GTF2B: variants seen among roughly 807,000 people sequenced by gnomAD.
GTF2B encodes transcription initiation factor IIB.
A neutral mutation model predicts 34.6 loss-of-function variants in GTF2B; 20 were observed. That is an observed-to-expected ratio of 0.58 (90% confidence interval 0.41 to 0.84). The LOEUF is 0.84. GTF2B is among the 40% of genes least tolerant of loss of function. The pLI is 0.00. For missense variants in GTF2B, 237 were observed against 393.3 expected, an observed-to-expected ratio of 0.60 and a Z score of 3.36; for synonymous variants, 142 against 132.4, an observed-to-expected ratio of 1.07 and a Z score of -0.50.
intron 2 of GTF2B, among the ~76,000 whole-genome samples, chr1:88,880,790 T>C (rs1393476459): frequency 6.6e-6 from 1 of 152,044 alleles, no homozygotes; most frequent in African/African-American, 2.4e-5. Flanking sequence ...GGGGTATCTC[T>C]TTGAAGCTAG....
chr1:88,862,732 G>A lies in GTF2B; in HGVS notation c.258+1249C>T, dbSNP rs959442392. Among the ~76,000 whole-genome samples, 10 of 152,120 alleles carry A rather than the reference G, an allele frequency of 6.6e-5. No individual in the cohort carries two copies. In the South Asian group the frequency reaches 1.9e-3, roughly 28 times the overall value. ...CAGCTCACTGCAACCTCCGCCTCCC[G>A]GGTTCAAGCAATTATTTGCCTCAGG... On this transcript the variant is annotated intron_variant, in intron 3 of 6. Transcript: ENST00000370500.
At chr1:88,885,816 A>G (rs1674054085) in intron 2 of GTF2B, among the ~76,000 whole-genome samples, 1 of 152,208 alleles carries the variant, frequency 6.6e-6, no homozygotes, top group African/African-American at 2.4e-5. Flanking sequence ...CTAAAATATT[A>G]TTTTTGATTT....
chr1:88,886,910 C>T (rs1249954559), intron 2 of GTF2B, among the ~76,000 whole-genome samples: 2 of 150,764 alleles, frequency 1.3e-5, no homozygotes, highest in Admixed American at 1.3e-4. Flanking sequence ...GGACCCTAAA[C>T]ATTATTATTA....
chr1:88,890,534 C>G (rs1232894878), intron 1 of GTF2B, among the ~76,000 whole-genome samples: 2 of 152,194 alleles, frequency 1.3e-5, no homozygotes, highest in Non-Finnish European at 1.5e-5. Flanking sequence ...TAATTTGATA[C>G]TTTCAACACA....
intron 3 of GTF2B, among the ~76,000 whole-genome samples, chr1:88,862,052 C>G (rs1216517670): frequency 6.6e-6 from 1 of 152,036 alleles, no homozygotes; most frequent in Non-Finnish European, 1.5e-5. Context: ...ATGAAACAAA[C>G]TTAACCTTTA....
Position 88,859,851 on chromosome 1 carries a change from CAAACACAAAAAAACAA to C in GTF2B, c.535+15_535+30del. On this transcript the variant is annotated intron_variant, in intron 5 of 6. Transcript: ENST00000370500. ...ACCCTATCTCAAACAAACAAACAAACAAACACAAAAAAACAAAGCTAAAAACTTACCTTTAAATGTC... is the reference window on the plus strand; with the variant it reads ...ACCCTATCTCAAACAAACAAACAAACAGCTAAAAACTTACCTTTAAATGTC... 1 of 1,600,862 alleles carries C rather than the reference CAAACACAAAAAAACAA, an allele frequency of 6.2e-7. No homozygotes were observed. Among genetic ancestry groups the C allele is most frequent in the Non-Finnish European group, 8.5e-7 (1 of 1,171,422 alleles).
chr1:88,876,532 A>G (rs908297777), intron 2 of GTF2B, among the ~76,000 whole-genome samples: 9 of 152,136 alleles, frequency 5.9e-5, no homozygotes, highest in Non-Finnish European at 1.3e-4. Flanking sequence ...TTTTTAAAAA[A>G]TTAGCTGAGG....
At position 88,856,291 on chromosome 1, in the gene GTF2B, C is replaced by CAAAAAAAAAAAAAAAAAAAA. The variant is rs1162915523; in HGVS notation, c.817+914_817+915insTTTTTTTTTTTTTTTTTTTT. The stretch of plus-strand genomic sequence containing the variant: ...CAAAAACAAAAAAAAAAAAAAAAAA[C>CAAAAAAAAAAAAAAAAAAAA]AAAAAAAAAAAAGGAAAAGAAATTC... On this transcript the variant is annotated intron_variant, in intron 6 of 6. Coordinates refer to ENST00000370500, the MANE Select transcript of GTF2B (RefSeq NM_001514.6). Among the ~76,000 whole-genome samples the CAAAAAAAAAAAAAAAAAAAA allele has an allele frequency of 5.3e-4, 46 of 86,160 alleles. 1 individual carries two copies. Among genetic ancestry groups the CAAAAAAAAAAAAAAAAAAAA allele is most frequent in the East Asian group, 7.5e-4 (2 of 2,672 alleles). 56.5% of individuals were successfully genotyped at this position (86,160 alleles called of 152,430 possible). A position where few individuals can be genotyped will look rare whatever the true frequency, so the allele number is the denominator to read the frequency against.
intron 2 of GTF2B, among the ~76,000 whole-genome samples, chr1:88,886,241 A>G (rs974597072): frequency 6.6e-6 from 1 of 152,228 alleles, no homozygotes; most frequent in Non-Finnish European, 1.5e-5. Context: ...AAGTAAGTCA[A>G]GTCCACAGTA....
intron 6 of GTF2B, among the ~76,000 whole-genome samples, chr1:88,855,238 G>C (rs1231575369): frequency 6.6e-6 from 1 of 152,046 alleles, no homozygotes; most frequent in Admixed American, 6.6e-5. Context: ...CTAATGATTG[G>C]CTTTCTTTCT....
chr1:88,861,006 A>T (rs1014852662), intron 3 of GTF2B, among the ~76,000 whole-genome samples: 4 of 152,220 alleles, frequency 2.6e-5, no homozygotes, highest in African/African-American at 9.6e-5. Flanking sequence ...TGCAGATAGT[A>T]CCTTTATACA....
intron 2 of GTF2B, among the ~76,000 whole-genome samples, chr1:88,876,194 T>G (rs1347696999): frequency 6.6e-6 from 1 of 152,196 alleles, no homozygotes; most frequent in Non-Finnish European, 1.5e-5. Context: ...GAAACCTGAT[T>G]TTTTCCTTTA....
intron 2 of GTF2B, among the ~76,000 whole-genome samples, chr1:88,867,791 A>AT (rs1040718179): frequency 6.6e-6 from 1 of 151,860 alleles, no homozygotes; most frequent in Non-Finnish European, 1.5e-5. Context: ...GACAAGATGG[A>AT]TTTTTTATTT....
chr1:88,858,674 T>C (rs1570718550), intron 5 of GTF2B: 1 of 152,088 alleles, frequency 6.6e-6, no homozygotes, highest in Admixed American at 6.5e-5. Context: ...AAAAAATAAA[T>C]ACTCACTGGA....
intron 2 of GTF2B, among the ~76,000 whole-genome samples, chr1:88,881,008 CAAAAAAA>C: frequency 1.1e-5 from 1 of 92,772 alleles, no homozygotes; most frequent in Non-Finnish European, 2.2e-5. Flanking sequence ...GATGCTGTCT[CAAAAAAA>C]AAAAAAAAAA....
At chr1:88,859,012 C>T (rs777333716) in intron 5 of GTF2B, among the ~76,000 whole-genome samples, 23 of 151,824 alleles carry the variant, frequency 1.5e-4, no homozygotes, top group East Asian at 1.9e-4. Context: ...GGACTACAGG[C>T]GCGCACCACC....
Position 88,891,474 on chromosome 1 carries a change from C to CA in GTF2B, c.17+8dup, listed in dbSNP as rs1193638272. 4 of 1,601,600 alleles carry CA rather than the reference C, an allele frequency of 2.5e-6. No homozygotes were observed. In the Admixed American group the frequency reaches 6.8e-5, roughly 27 times the overall value. On this transcript the variant is annotated intron_variant, in intron 1 of 6. Transcript: ENST00000370500. The stretch of plus-strand genomic sequence containing the variant: ...CCTCAGCTCGCCGGGCTCGGCGGGA[C>CA]ATACTAACCGGCTGGTAGACGCCAT...
intron 1 of GTF2B, chr1:88,887,644 C>G (rs1570739365): frequency 5.6e-6 from 2 of 354,398 alleles, no homozygotes; most frequent in East Asian, 1.5e-4. Flanking sequence ...AATATGTATG[C>G]CAGTAAGACT....
chr1:88,880,732 C>A (rs914316028), intron 2 of GTF2B, among the ~76,000 whole-genome samples: 1 of 152,006 alleles, frequency 6.6e-6, no homozygotes, highest in Non-Finnish European at 1.5e-5. Flanking sequence ...TGGGGCCTGG[C>A]GCAGTGGCTC....
Sources: allele counts gnomAD v4.1 joint callset (sites outside exome capture counted in the v4.1 genomes callset), GRCh38; gene constraint gnomAD v4.1.1; transcripts MANE v1.5; gene names NCBI Gene and HGNC (gene_info 2026-07-23, HGNC 2026-07-21).